Variants in RCBTB1 observed in about 807,000 individuals in gnomAD.
RCBTB1 encodes the protein RCC1 and BTB domain containing protein 1.
A neutral mutation model predicts 62.4 loss-of-function variants in RCBTB1; 46 were observed. The observed-to-expected ratio is 0.74, with a 90% CI of 0.58 to 0.94. The LOEUF is 0.94. Among genes scored for constraint, RCBTB1 ranks in the 40% least tolerant of loss-of-function variants. The pLI, the probability that RCBTB1 is intolerant of heterozygous loss-of-function variation, is 0.00. For synonymous variants in RCBTB1, 222 were observed against 245.8 expected (o/e 0.90, Z 0.91); for missense variants, 565 against 654.9 (o/e 0.86, Z 1.50).
intron 4 of RCBTB1, 143 bp downstream of exon 4, chr13:49,566,475 C>A: frequency 1.3e-6 from 1 of 769,184 alleles, no homozygotes; most frequent in South Asian, 2.5e-5. Context: ...GTTTAACTTT[C>A]ACCTGCTTTA....
At position 49,561,485 on chromosome 13, in the gene RCBTB1, T is replaced by C. The variant is rs369014593; in HGVS notation, c.278-1401A>G. On this transcript the variant is annotated intron_variant, in intron 4 of 12. Transcript: ENST00000378302. ...AAAACACAAAAAGTATGATCCATGATATTGTGTTAAAAGCTACGGCAGGTG... is the reference window on the plus strand; with the variant it reads ...AAAACACAAAAAGTATGATCCATGACATTGTGTTAAAAGCTACGGCAGGTG... 1.4e-4 allele frequency among the ~76,000 whole-genome samples: 21 copies of C among 152,156 alleles called. No individual in the cohort carries two copies. In the East Asian group the frequency reaches 1.5e-3, roughly 11 times the overall value.
chr13:49,542,530 T>A (rs372804080), intron 10 of RCBTB1, among the ~76,000 whole-genome samples: 14 of 152,326 alleles, frequency 9.2e-5, no homozygotes, highest in African/African-American at 3.4e-4. Flanking sequence ...AAACAAGAGT[T>A]CAAAACTTTT....
intron 12 of RCBTB1, among the ~76,000 whole-genome samples, chr13:49,535,511 A>G (rs1959868574): frequency 1.3e-5 from 2 of 152,170 alleles, no homozygotes; most frequent in African/African-American, 4.8e-5. Context: ...GAAGCTCAAC[A>G]TTTCAACTGC....
chr13:49,538,173 T>G (rs1960073845), intron 12 of RCBTB1: 1 of 152,246 alleles, frequency 6.6e-6, no homozygotes, highest in South Asian at 2.1e-4. Flanking sequence ...GGCTTTCTTT[T>G]TAAGAGATGG....
intron 5 of RCBTB1, 39 bp from the exon 6 acceptor site, chr13:49,555,712 G>A: frequency 2.1e-6 from 3 of 1,453,968 alleles, no homozygotes; most frequent in Non-Finnish European, 2.8e-6. Context: ...AGAATAGTCA[G>A]GGTGAAAATT....
intron 5 of RCBTB1, among the ~76,000 whole-genome samples, chr13:49,557,140 T>C (rs749851821): frequency 6.6e-6 from 1 of 152,192 alleles, no homozygotes; most frequent in Non-Finnish European, 1.5e-5. Flanking sequence ...CTTAATAAAA[T>C]CTCTGTAACA....
intron 2 of RCBTB1, 31 bp from the exon 3 acceptor site, chr13:49,567,351 A>G: frequency 6.5e-7 from 1 of 1,532,576 alleles, no homozygotes; most frequent in Non-Finnish European, 8.9e-7. Context: ...CCAGAAAAAA[A>G]TTAAATAGTC....
chr13:49,534,890 C>T lies in RCBTB1; in HGVS notation c.1456-628G>A, dbSNP rs61960050. Among the ~76,000 whole-genome samples, 1,029 of 152,114 alleles carry T rather than the reference C, an allele frequency of 6.8e-3. 9 individuals carry two copies. Among genetic ancestry groups the T allele is most frequent in the Middle Eastern group, 0.014 (4 of 294 alleles). The stretch of plus-strand genomic sequence containing the variant: ...CTCTAGTAAAACTACAAAAATTAGC[C>T]GGGCGTGGTGGTGGATGCCTGTAAT... On this transcript the variant is annotated intron_variant, in intron 12 of 12. Coordinates refer to ENST00000378302, the MANE Select transcript of RCBTB1 (RefSeq NM_018191.4).
At chr13:49,550,033 A>C (rs1018349352) in intron 8 of RCBTB1, 2 of 527,064 alleles carry the variant, frequency 3.8e-6, no homozygotes, top group African/African-American at 4.2e-5. Flanking sequence ...TCCGTCACCC[A>C]GGCTAGAGCG....
chr13:49,583,437 T>A (rs188006467), intron 1 of RCBTB1, among the ~76,000 whole-genome samples: 1 of 152,108 alleles, frequency 6.6e-6, no homozygotes, highest in African/African-American at 2.4e-5. Context: ...TAACACACAG[T>A]TGACTTATAT....
At chr13:49,535,407 T>C (rs1566208265) in intron 12 of RCBTB1, among the ~76,000 whole-genome samples, 1 of 152,164 alleles carries the variant, frequency 6.6e-6, no homozygotes, top group Non-Finnish European at 1.5e-5. Flanking sequence ...TAAAAGGAAA[T>C]CACACTAAAA....
chr13:49,539,776 C>T (rs1364004496), intron 12 of RCBTB1, among the ~76,000 whole-genome samples: 2 of 152,140 alleles, frequency 1.3e-5, no homozygotes, highest in African/African-American at 4.8e-5. Flanking sequence ...CATCTGTTGT[C>T]GGGCTGCAGA....
chr13:49,541,118 AT>A, intron 11 of RCBTB1, 112 bp from the exon 12 acceptor site: 1 of 836,854 alleles, frequency 1.2e-6, no homozygotes. Flanking sequence ...TTCTTAGTGG[AT>A]AAGATTCTGA....
intron 2 of RCBTB1, among the ~76,000 whole-genome samples, chr13:49,574,519 G>T (rs1001845926): frequency 7.2e-5 from 11 of 152,086 alleles, no homozygotes; most frequent in Admixed American, 5.2e-4. Context: ...TTTACCCCTA[G>T]GCTGTTAGAA....
chr13:49,549,995 T>TC, intron 8 of RCBTB1: 1 of 825,596 alleles, frequency 1.2e-6, no homozygotes, highest in Non-Finnish European at 1.5e-6. Context: ...CATTTCTTTT[T>TC]TTTTTCTTTT....
At chr13:49,563,058 A>AAAT (rs1962577597) in intron 4 of RCBTB1, among the ~76,000 whole-genome samples, 1 of 151,796 alleles carries the variant, frequency 6.6e-6, no homozygotes, top group Non-Finnish European at 1.5e-5. Context: ...ATAAAAATAA[A>AAAT]AAAAAGATCC....
chr13:49,553,904 A>G (rs1006274336), intron 6 of RCBTB1, among the ~76,000 whole-genome samples: 1 of 152,248 alleles, frequency 6.6e-6, no homozygotes, highest in Non-Finnish European at 1.5e-5. Flanking sequence ...TACTTGTATA[A>G]GTGTACAAAG....
chr13:49,576,532 G>A (rs919258053), intron 2 of RCBTB1, among the ~76,000 whole-genome samples: 2 of 152,066 alleles, frequency 1.3e-5, no homozygotes, highest in African/African-American at 4.8e-5. Context: ...AATTCTCAAC[G>A]GAGCATTTAT....
At chr13:49,540,096 C>G (rs1217191185) in intron 12 of RCBTB1, among the ~76,000 whole-genome samples, 2 of 152,232 alleles carry the variant, frequency 1.3e-5, no homozygotes, top group Non-Finnish European at 2.9e-5. Context: ...TTTATTCTCT[C>G]TGAATCTGTG....
Sources: gnomAD v4.1 joint callset for allele counts (sites outside exome capture counted in the v4.1 genomes callset) on GRCh38, gnomAD v4.1.1 for gene constraint, MANE v1.5 for transcripts, NCBI Gene and HGNC (gene_info 2026-07-23, HGNC 2026-07-21) for gene names.